The following CNOT2 variants were observed in gnomAD, a reference collection of about 807,000 sequenced individuals.
The protein encoded by CNOT2 is CCR4-NOT transcription complex subunit 2, also known as CC chemokine receptor 4-negative regulator of transcription 2.
Under a neutral mutation model 72.1 loss-of-function variants are expected in CNOT2, and 7 were observed. That is an observed-to-expected ratio of 0.10 (90% confidence interval 0.06 to 0.18). CNOT2 has a LOEUF of 0.18. CNOT2 is among the 10% of genes least tolerant of loss of function. The pLI is 1.00. For synonymous variants in CNOT2, 196 were observed against 225.6 expected, an observed-to-expected ratio of 0.87 and a Z score of 1.17; for missense variants, 345 against 660.3, an observed-to-expected ratio of 0.52 and a Z score of 5.23.
intron 1 of CNOT2, among the ~76,000 whole-genome samples, chr12:70,274,479 A>G (rs947897348): frequency 2.0e-5 from 3 of 152,028 alleles, no homozygotes; most frequent in African/African-American, 7.2e-5. Context: ...AACCTAACCA[A>G]ATTCATATTT....
At chr12:70,272,189 G>A (rs1959329977) in intron 1 of CNOT2, among the ~76,000 whole-genome samples, 1 of 152,148 alleles carries the variant, frequency 6.6e-6, no homozygotes, top group Non-Finnish European at 1.5e-5. Context: ...TCAGTAAAAT[G>A]TATCTGTTAT....
chr12:70,257,022 T>C (rs1031322835), intron 1 of CNOT2, among the ~76,000 whole-genome samples: 1 of 151,170 alleles, frequency 6.6e-6, no homozygotes, highest in Non-Finnish European at 1.5e-5. Flanking sequence ...TTGTGTATGA[T>C]TGAACATTTT....
At chr12:70,276,385 T>A (rs1290288437) in intron 1 of CNOT2, among the ~76,000 whole-genome samples, 2 of 152,016 alleles carry the variant, frequency 1.3e-5, no homozygotes, top group Non-Finnish European at 2.9e-5. Context: ...GAAAACATTT[T>A]ATTCTATAAG....
chr12:70,251,763 C>CT (rs1397920044), intron 1 of CNOT2, among the ~76,000 whole-genome samples: 3 of 152,142 alleles, frequency 2.0e-5, no homozygotes, highest in African/African-American at 7.2e-5. Flanking sequence ...ACTCTGTAGT[C>CT]TATCTTTTAG....
rs766913194 is a variant in CNOT2 at position 70,278,199 on chromosome 12, C to T, written c.-28C>T. On this transcript the variant is annotated 5_prime_UTR_variant, in exon 2 of 16. Coordinates refer to ENST00000229195, the MANE Select transcript of CNOT2 (RefSeq NM_014515.7). ...AGTGACAGTTCTATTTGATTGCCTC[C>T]GGTACTGTGAGGAAAGGACACGACT... 72 of 1,454,084 alleles carry T rather than the reference C, an allele frequency of 5.0e-5. No individual in the cohort carries two copies. In the Middle Eastern group the frequency reaches 5.6e-4, roughly 11 times the overall value. 90.1% of individuals were successfully genotyped at this position (1,454,084 alleles called of 1,614,324 possible). A position where few individuals can be genotyped will look rare whatever the true frequency, so the allele number is the denominator to read the frequency against.
chr12:70,283,667 A>AG (rs1870313816), intron 2 of CNOT2, among the ~76,000 whole-genome samples: 1 of 148,560 alleles, frequency 6.7e-6, no homozygotes, highest in Non-Finnish European at 1.5e-5. Context: ...AAAAAAAAAA[A>AG]GGAAAAAAGC....
At chr12:70,316,287 A>T (rs564138750) in intron 3 of CNOT2, among the ~76,000 whole-genome samples, 11 of 152,262 alleles carry the variant, frequency 7.2e-5, no homozygotes, top group Non-Finnish European at 1.5e-4. Flanking sequence ...TAACTTTCAG[A>T]ATTTAAAAAA....
chr12:70,314,598 A>G (rs1200392176), intron 3 of CNOT2, among the ~76,000 whole-genome samples: 3 of 152,202 alleles, frequency 2.0e-5, no homozygotes, highest in Admixed American at 1.3e-4. Flanking sequence ...ATATAATGCC[A>G]TACTTGTTTT....
At chr12:70,293,184 G>T in intron 2 of CNOT2, among the ~76,000 whole-genome samples, 1 of 139,854 alleles carries the variant, frequency 7.2e-6, no homozygotes. Context: ...TTTTGAGATA[G>T]AGTTTTGCTC....
At chr12:70,290,195 G>A (rs1009418717) in intron 2 of CNOT2, among the ~76,000 whole-genome samples, 1 of 151,698 alleles carries the variant, frequency 6.6e-6, no homozygotes, top group African/African-American at 2.4e-5. Flanking sequence ...CTGGGCCCTG[G>A]GGATTGTTTT....
chr12:70,326,537 T>C (rs920149161), intron 4 of CNOT2, among the ~76,000 whole-genome samples: 6 of 151,678 alleles, frequency 4.0e-5, no homozygotes, highest in African/African-American at 1.5e-4. Context: ...TTTCTAATTA[T>C]ACTAGTGAGA....
chr12:70,329,006 A>G (rs1422757815), intron 4 of CNOT2, among the ~76,000 whole-genome samples: 3 of 151,946 alleles, frequency 2.0e-5, no homozygotes, highest in African/African-American at 7.2e-5. Flanking sequence ...GCGGGGTTAA[A>G]TGTCTTTCTG....
chr12:70,316,983 AT>A, intron 3 of CNOT2, among the ~76,000 whole-genome samples: 1 of 152,348 alleles, frequency 6.6e-6, no homozygotes, highest in African/African-American at 2.4e-5. Context: ...CAATATTCAC[AT>A]TATGGATTGT....
intron 11 of CNOT2, among the ~76,000 whole-genome samples, chr12:70,339,292 A>G (rs748203824): frequency 9.3e-5 from 14 of 151,064 alleles, no homozygotes; most frequent in Non-Finnish European, 1.6e-4. Context: ...TCTATTTTCT[A>G]TTTCTCTTCT....
chr12:70,349,610 A>G (rs532183749), intron 15 of CNOT2, among the ~76,000 whole-genome samples: 2 of 152,318 alleles, frequency 1.3e-5, no homozygotes, highest in Non-Finnish European at 2.9e-5. Context: ...CTAAACCAGA[A>G]GTATTTCTTA....
At chr12:70,309,939 G>A (rs984285622) in intron 2 of CNOT2, among the ~76,000 whole-genome samples, 4 of 152,066 alleles carry the variant, frequency 2.6e-5, no homozygotes, top group Admixed American at 2.0e-4. Flanking sequence ...ACCAGCTGCA[G>A]ATTGAAAATA....
At chr12:70,303,499 A>T (rs1173446113) in intron 2 of CNOT2, among the ~76,000 whole-genome samples, 1 of 152,182 alleles carries the variant, frequency 6.6e-6, no homozygotes, top group Non-Finnish European at 1.5e-5. Context: ...TGGATATGAA[A>T]TTCTGGGTTG....
chr12:70,250,051 C>G (rs895839449), intron 1 of CNOT2, among the ~76,000 whole-genome samples: 8 of 152,104 alleles, frequency 5.3e-5, no homozygotes, highest in African/African-American at 1.9e-4. Flanking sequence ...ACCGGTTAAC[C>G]TGACATCTGA....
chr12:70,324,755 T>C (rs1278096952), intron 4 of CNOT2, among the ~76,000 whole-genome samples: 1 of 151,872 alleles, frequency 6.6e-6, no homozygotes, highest in African/African-American at 2.4e-5. Context: ...GTCTTATACA[T>C]TCTTAGCACC....
Sources: allele counts gnomAD v4.1 joint callset (sites outside exome capture counted in the v4.1 genomes callset), GRCh38; gene constraint gnomAD v4.1.1; transcripts MANE v1.5; gene names NCBI Gene and HGNC (gene_info 2026-07-23, HGNC 2026-07-21).